Variants in SH2B3 observed in about 807,000 individuals in gnomAD.
SH2B3 encodes the protein SH2B adapter protein 3.
A neutral mutation model predicts 51.9 loss-of-function variants in SH2B3; 43 were observed. The ratio of observed to expected loss-of-function variants is 0.83; its 90% CI spans 0.65 to 1.07. The LOEUF (loss-of-function observed/expected upper bound fraction) is 1.07. Ranked by LOEUF, SH2B3 falls within the 50% of genes least tolerant of loss-of-function variation. The probability of loss-of-function intolerance (pLI) is 0.00; values close to 1 mark genes in which losing one functional copy is unlikely to be tolerated. For synonymous variants in SH2B3, 396 were observed against 376.0 expected (o/e 1.05, Z -0.62); for missense variants, 952 against 834.3 (o/e 1.14, Z -1.74).
intron 1 of SH2B3, among the ~76,000 whole-genome samples, chr12:111,414,628 C>T (rs1870944216): frequency 6.6e-6 from 1 of 152,048 alleles, no homozygotes; most frequent in Non-Finnish European, 1.5e-5. Flanking sequence ...GCATGGCCCC[C>T]TTCCATCGAG....
chr12:111,446,677 C>T (rs959835455), intron 2 of SH2B3, 76 bp from the exon 3 acceptor site: 1 of 784,624 alleles, frequency 1.3e-6, no homozygotes, highest in East Asian at 2.7e-5. Context: ...CCTGGGGAGA[C>T]TATAGACAAA....
At chr12:111,434,638 T>A (rs1171679006) in intron 2 of SH2B3, 1 of 311,646 alleles carries the variant, frequency 3.2e-6, no homozygotes, top group African/African-American at 2.3e-5. Flanking sequence ...TATTCTTTGC[T>A]TTTTTACCTT....
chr12:111,444,650 C>T, intron 2 of SH2B3: 1 of 757,478 alleles, frequency 1.3e-6, no homozygotes, highest in Non-Finnish European at 1.6e-6. Flanking sequence ...CAGCTGCTGA[C>T]ACAGCCCCCA....
intron 2 of SH2B3, among the ~76,000 whole-genome samples, chr12:111,421,642 C>A (rs1180470547): frequency 3.9e-5 from 6 of 151,980 alleles, no homozygotes; most frequent in African/African-American, 1.5e-4. Flanking sequence ...GTCTCGAACT[C>A]CTGGGCTCAA....
At chr12:111,426,523 C>T (rs1872015543) in intron 2 of SH2B3, among the ~76,000 whole-genome samples, 3 of 152,026 alleles carry the variant, frequency 2.0e-5, no homozygotes, top group South Asian at 2.1e-4. Flanking sequence ...TGTGCCCAGC[C>T]GCCTAGTTTC....
In SH2B3 at chr12:111,448,987, C is replaced by T. The variant is rs1216413301; in HGVS notation, c.*685C>T. 1 of 152,756 alleles carries T rather than the reference C, an allele frequency of 6.5e-6. No individual in the cohort carries two copies. The highest frequency in any genetic ancestry group is 3.2e-3 in the Middle Eastern group (1 of 316). The allele number at this position is 152,756 out of a possible 1,614,324, so 9.5% of individuals were successfully genotyped here. A position where few individuals can be genotyped will look rare whatever the true frequency, so the allele number is the denominator to read the frequency against. On this transcript the variant is annotated 3_prime_UTR_variant, in exon 8 of 8. Coordinates refer to ENST00000341259, the MANE Select transcript of SH2B3 (RefSeq NM_005475.3). ...ATTTTTGTAGTCAGAAACAGCTATG[C>T]AAACCCTACCTAATTTACAGTCTGA...
At chr12:111,440,615 G>C (rs1412485192) in intron 2 of SH2B3, among the ~76,000 whole-genome samples, 2 of 152,212 alleles carry the variant, frequency 1.3e-5, no homozygotes, top group Admixed American at 1.3e-4. Flanking sequence ...TCTAGCCTGG[G>C]GCTGTGCCTT....
intron 1 of SH2B3, among the ~76,000 whole-genome samples, chr12:111,412,723 C>G (rs1322301766): frequency 1.3e-5 from 2 of 152,154 alleles, no homozygotes; most frequent in Non-Finnish European, 2.9e-5. Flanking sequence ...GCCCAGCCAC[C>G]ATGCCAGGCT....
At chr12:111,414,153 C>G (rs527713826) in intron 1 of SH2B3, among the ~76,000 whole-genome samples, 22 of 152,226 alleles carry the variant, frequency 1.4e-4, no homozygotes, top group Non-Finnish European at 2.6e-4. Flanking sequence ...ACCCTCCCCC[C>G]TTCAGGGACA....
At chr12:111,432,221 T>A (rs1382116812) in intron 2 of SH2B3, among the ~76,000 whole-genome samples, 2 of 152,070 alleles carry the variant, frequency 1.3e-5, no homozygotes, top group African/African-American at 4.8e-5. Context: ...CCGGCTAATT[T>A]TTGTATTTTT....
At chr12:111,431,030 CG>C (rs1001506334) in intron 2 of SH2B3, among the ~76,000 whole-genome samples, 56 of 134,860 alleles carry the variant, frequency 4.2e-4, no homozygotes, top group South Asian at 2.2e-3. Context: ...GGGTGGGTGG[CG>C]GGGGGGGCTT....
intron 2 of SH2B3, among the ~76,000 whole-genome samples, chr12:111,445,130 GTTA>G (rs1873803212): frequency 6.6e-6 from 1 of 152,206 alleles, no homozygotes; most frequent in Admixed American, 6.5e-5. Context: ...AGCTCTGCTG[GTTA>G]ATCTCAGCAC....
intron 1 of SH2B3, among the ~76,000 whole-genome samples, chr12:111,413,634 G>T (rs764141736): frequency 6.6e-6 from 1 of 152,232 alleles, no homozygotes; most frequent in African/African-American, 2.4e-5. Flanking sequence ...GACGGCCCAG[G>T]GGGCGGGGGA....
Position 111,448,664 on chromosome 12 carries a change from G to T in SH2B3, c.*362G>T. 1 of 227,162 alleles carries T rather than the reference G, an allele frequency of 4.4e-6. No homozygotes were observed. Among genetic ancestry groups the T allele is most frequent in the East Asian group, 1.0e-4 (1 of 9,652 alleles). 14.1% of individuals were successfully genotyped at this position (227,162 alleles called of 1,614,324 possible). A position where few individuals can be genotyped will look rare whatever the true frequency, so the allele number is the denominator to read the frequency against. Reference sequence around the variant, plus strand: ...TCTTTTTCACTGACACTGTCACAGCGGATGACAGACTTTCTACGGGGAGGA... The same window carrying T: ...TCTTTTTCACTGACACTGTCACAGCTGATGACAGACTTTCTACGGGGAGGA... On this transcript the variant is annotated 3_prime_UTR_variant, in exon 8 of 8. Coordinates refer to ENST00000341259, the MANE Select transcript of SH2B3 (RefSeq NM_005475.3).
intron 2 of SH2B3, among the ~76,000 whole-genome samples, chr12:111,422,958 A>G (rs1871674696): frequency 6.6e-6 from 1 of 152,190 alleles, no homozygotes; most frequent in African/African-American, 2.4e-5. Context: ...CGGCCTCCCA[A>G]AGTGCTGGGA....
intron 1 of SH2B3, among the ~76,000 whole-genome samples, chr12:111,415,274 T>C (rs972502529): frequency 3.9e-5 from 6 of 152,304 alleles, no homozygotes; most frequent in East Asian, 1.9e-4. Flanking sequence ...TTCTTCTCCA[T>C]CTTGAAGAGC....
At chr12:111,432,235 A>G (rs1872549351) in intron 2 of SH2B3, among the ~76,000 whole-genome samples, 1 of 151,496 alleles carries the variant, frequency 6.6e-6, no homozygotes, top group African/African-American at 2.4e-5. Context: ...TATTTTTAGT[A>G]GAGACGGGGT....
intron 2 of SH2B3, among the ~76,000 whole-genome samples, chr12:111,442,942 C>T (rs1369478853): frequency 1.3e-5 from 2 of 152,232 alleles, no homozygotes; most frequent in Non-Finnish European, 2.9e-5. Context: ...ACAGACCCCA[C>T]TCAAGCTGGT....
chr12:111,429,959 CCTGGT>C lies in SH2B3; in HGVS notation c.732+11085_732+11089del, dbSNP rs1486305437. Among the ~76,000 whole-genome samples the C allele has an allele frequency of 2.0e-5, 3 of 152,192 alleles. No homozygotes were observed. The highest frequency in any genetic ancestry group is 6.5e-5 in the Admixed American group (1 of 15,286). ...TCCCGGCAAGCAGGGCAGACTGAGC[CCTGGT>C]CTTGGCAGGCAGGCAGAGCTCAGGT... On this transcript the variant is annotated intron_variant, in intron 2 of 7. Transcript: ENST00000341259. The surrounding 1 kb of genome is among the most constrained non-coding windows in gnomAD (Gnocchi z 4.4).
Sources: allele counts gnomAD v4.1 joint callset (sites outside exome capture counted in the v4.1 genomes callset), GRCh38; gene constraint gnomAD v4.1.1; non-coding constraint Gnocchi (gnomAD v3.1); transcripts MANE v1.5; gene names NCBI Gene and HGNC (gene_info 2026-07-23, HGNC 2026-07-21).